AHCTF1: variants seen among roughly 807,000 people sequenced by gnomAD.
AHCTF1 encodes the protein protein ELYS.
Under a neutral mutation model 248.4 loss-of-function variants are expected in AHCTF1, and 24 were observed. The ratio of observed to expected loss-of-function variants is 0.10; its 90% CI spans 0.07 to 0.14. AHCTF1 has a LOEUF of 0.14. Among genes scored for constraint, AHCTF1 ranks in the 10% least tolerant of loss-of-function variants. The probability of loss-of-function intolerance (pLI) is 1.00; values close to 1 mark genes in which losing one functional copy is unlikely to be tolerated. For synonymous variants in AHCTF1, 786 were observed against 929.8 expected, an observed-to-expected ratio of 0.85 and a Z score of 2.81; for missense variants, 2,206 against 2,636.2, an observed-to-expected ratio of 0.84 and a Z score of 3.57.
At chr1:246,869,046 A>G (rs111986753) in intron 24 of AHCTF1, among the ~76,000 whole-genome samples, 17,553 of 150,808 alleles carry the variant, frequency 0.12, 3,204 homozygotes, top group African/African-American at 0.39. Context: ...GGGTTTCACC[A>G]TGTTGGCCAG....
chr1:246,900,565 G>A (rs549391126), intron 8 of AHCTF1, 96 bp from the exon 9 acceptor site: 48 of 1,303,552 alleles, frequency 3.7e-5, no homozygotes, highest in Admixed American at 1.3e-4. Flanking sequence ...TAAATTAAGC[G>A]GTTTAATTCA....
intron 33 of AHCTF1, 37 bp downstream of exon 33, chr1:246,849,578 T>C: frequency 6.4e-7 from 1 of 1,556,276 alleles, no homozygotes; most frequent in Non-Finnish European, 8.7e-7. Context: ...GAAGAGTGAC[T>C]GAGATGAAAA....
rs1354152432 is a variant in AHCTF1 at position 246,907,581 on chromosome 1, G to A, written c.734C>T (p.Ala245Val). 1.2e-6 allele frequency: 2 copies of A among 1,613,666 alleles called. No homozygotes were observed. The highest frequency in any genetic ancestry group is 4.5e-5 in the East Asian group (2 of 44,858). The change falls in exon 5 of 36, where the codon GCA becomes GTA. Residue 245 changes from alanine (A) to valine (V), a missense_variant. Physicochemically the swap from Ala to Val is moderately conservative, Grantham distance 64. Transcript: ENST00000648844. ...TTTCATGCTTTTCATGTTCCAAAGT[G>A]CTAGATAGCCATCAGAAAAACCTAC... is the stretch of plus-strand genomic sequence containing the variant. ...LAVGFSDGYL[A>V]LWNMKSMKRE...
chr1:246,862,433 TTG>T (rs1661633498), intron 27 of AHCTF1, among the ~76,000 whole-genome samples: 1 of 151,790 alleles, frequency 6.6e-6, no homozygotes, highest in African/African-American at 2.4e-5. Flanking sequence ...TGAGCCGAGA[TTG>T]CGCCACTGCA....
chr1:246,929,073 T>A (rs1404624663), intron 1 of AHCTF1, among the ~76,000 whole-genome samples: 1 of 152,076 alleles, frequency 6.6e-6, no homozygotes, highest in Non-Finnish European at 1.5e-5. Context: ...GAGGTACATA[T>A]GCTGTGAGAT....
In AHCTF1 at chr1:246,880,855, A is replaced by G. The variant is rs576298817; in HGVS notation, c.2661-3553T>C. Reference sequence around the variant, plus strand: ...ATTCTCTTGCTTCCTACAGAAGACAATAATGATGCTAGGAAGAACAATAAG... The same window carrying G: ...ATTCTCTTGCTTCCTACAGAAGACAGTAATGATGCTAGGAAGAACAATAAG... On this transcript the variant is annotated intron_variant, in intron 21 of 35. Transcript: ENST00000648844. 1.7e-4 allele frequency among the ~76,000 whole-genome samples: 26 copies of G among 152,198 alleles called. 1 individual carries two copies. The highest frequency in any genetic ancestry group is 3.2e-4 in the Non-Finnish European group (22 of 68,036).
intron 24 of AHCTF1, among the ~76,000 whole-genome samples, chr1:246,873,047 C>T (rs1013016462): frequency 2.2e-4 from 33 of 152,134 alleles, no homozygotes; most frequent in African/African-American, 8.0e-4. Flanking sequence ...GCCATCATTC[C>T]TGAGTGAATC....
chr1:246,867,901 C>CCCACACACACACACACA (rs1168192322), intron 24 of AHCTF1, 90 bp from the exon 25 acceptor site: 1 of 303,402 alleles, frequency 3.3e-6, no homozygotes, highest in African/African-American at 4.9e-5. Flanking sequence ...ACCCCCCCCC[C>CCCACACACACACACACA]CACACACACA....
intron 21 of AHCTF1, among the ~76,000 whole-genome samples, chr1:246,879,008 TA>T (rs1663197628): frequency 6.6e-6 from 1 of 152,132 alleles, no homozygotes; most frequent in African/African-American, 2.4e-5. Context: ...CTAGAAACGT[TA>T]AAAGCAGAAC....
intron 17 of AHCTF1, 152 bp downstream of exon 17, chr1:246,889,814 T>C (rs1293957529): frequency 3.8e-6 from 2 of 522,628 alleles, no homozygotes; most frequent in Non-Finnish European, 6.7e-6. Flanking sequence ...GTGTACTTTT[T>C]TAAAAAAGAG....
At position 246,884,191 on chromosome 1, in the gene AHCTF1, T is replaced by C. The variant is rs1029201822; in HGVS notation, c.2660+1302A>G. Among the ~76,000 whole-genome samples, 5 of 152,222 alleles carry C rather than the reference T, an allele frequency of 3.3e-5. No homozygotes were observed. The East Asian group carries it at 9.6e-4, about 29-fold the overall frequency. ...AGTAAATCTTATTGAAACTACAATT[T>C]TGATCTCATAAAAAATCTCAGTATT... On this transcript the variant is annotated intron_variant, in intron 21 of 35. Transcript: ENST00000648844.
At chr1:246,917,449 G>A (rs1010200139) in intron 2 of AHCTF1, among the ~76,000 whole-genome samples, 2 of 151,926 alleles carry the variant, frequency 1.3e-5, no homozygotes, top group African/African-American at 4.9e-5. Flanking sequence ...AGTGGGGTCT[G>A]AGAACGCCAA....
At position 246,907,645 on chromosome 1, in the gene AHCTF1, A is replaced by C. The variant is rs1665488839; in HGVS notation, c.670T>G (p.Ser224Ala). 1.7e-5 allele frequency: 27 copies of C among 1,613,788 alleles called. No individual in the cohort carries two copies. Among genetic ancestry groups the C allele is most frequent in the Non-Finnish European group, 2.2e-5 (26 of 1,179,854 alleles). The change falls in exon 5 of 36, where the codon TCA becomes GCA. Residue 224 changes from serine to alanine, a missense_variant. Ser to Ala is a moderately conservative substitution (Grantham distance 99, BLOSUM62 1). Transcript: ENST00000648844. ...GTCCTGCTTATGTAACTAAGAGTTG[A>C]AACAGCTGTTCCTGTTGGACTTACT... ...QLVSPTGTAV[S>A]TLSYISRTNQ...
rs200762494 is a variant in AHCTF1, at chr1:246,849,602, G to T, written c.6391+13C>A. The T allele has an allele frequency of 8.2e-6, 13 of 1,585,608 alleles. No individual in the cohort carries two copies. Among genetic ancestry groups the T allele is most frequent in the Admixed American group, 1.8e-5 (1 of 54,518 alleles). ...CTGAGATGAAAAACTGTTTTGCAGAGAAAGAAAAGTACCTTTTGCTTTCCT... is the reference window on the plus strand; with the variant it reads ...CTGAGATGAAAAACTGTTTTGCAGATAAAGAAAAGTACCTTTTGCTTTCCT... On this transcript the variant is annotated intron_variant, in intron 33 of 35. Transcript: ENST00000648844.
intron 33 of AHCTF1, among the ~76,000 whole-genome samples, chr1:246,846,697 GAA>G (rs902476884): frequency 6.6e-5 from 10 of 151,344 alleles, no homozygotes; most frequent in African/African-American, 2.2e-4. Flanking sequence ...GAAAAAAAAA[GAA>G]ATATTACGTT....
intron 11 of AHCTF1, 100 bp downstream of exon 11, chr1:246,899,351 A>C (rs958074345): frequency 5.5e-5 from 54 of 977,860 alleles, no homozygotes; most frequent in Non-Finnish European, 7.8e-5. Flanking sequence ...TTTAAGCTGA[A>C]ACAACTGTCA....
At chr1:246,895,668 C>T (rs1201329074) in intron 13 of AHCTF1, among the ~76,000 whole-genome samples, 167 bp downstream of exon 13, 1 of 152,116 alleles carries the variant, frequency 6.6e-6, no homozygotes, top group African/African-American at 2.4e-5. Flanking sequence ...GATCATCATA[C>T]TGTGGGCAAA....
chr1:246,876,837 AG>A (rs1663004190), intron 23 of AHCTF1, 112 bp downstream of exon 23: 2 of 1,294,032 alleles, frequency 1.5e-6, no homozygotes, highest in East Asian at 4.7e-5. Context: ...TCCAAGTTCA[AG>A]GTAATGCTAG....
At chr1:246,848,840 ACT>A (rs1352855033) in intron 33 of AHCTF1, among the ~76,000 whole-genome samples, 1 of 124,976 alleles carries the variant, frequency 8.0e-6, no homozygotes, top group Non-Finnish European at 1.6e-5. Flanking sequence ...ACAGAGTGAG[ACT>A]CTACCTCAAA....
Sources: gnomAD v4.1 joint callset for allele counts (sites outside exome capture counted in the v4.1 genomes callset) on GRCh38, gnomAD v4.1.1 for gene constraint, MANE v1.5 for transcripts, NCBI Gene and HGNC (gene_info 2026-07-23, HGNC 2026-07-21) for gene names.